The following EYA1 variants were observed in gnomAD, a reference collection of about 807,000 sequenced individuals.
The protein encoded by EYA1 is EYA transcriptional coactivator and phosphatase 1.
In EYA1, 16 loss-of-function variants were observed where a neutral mutation model predicts 82.0. The ratio of observed to expected loss-of-function variants is 0.20; its 90% CI spans 0.13 to 0.30. EYA1 has a LOEUF of 0.30. EYA1 is among the 10% of genes least tolerant of loss of function. The pLI, the probability that EYA1 is intolerant of heterozygous loss-of-function variation, is 1.00. For synonymous variants in EYA1, 261 were observed against 264.4 expected (o/e 0.99, Z 0.12); for missense variants, 633 against 730.7 (o/e 0.87, Z 1.54).
chr8:71,213,441 C>T (rs1808782538), intron 16 of EYA1, among the ~76,000 whole-genome samples: 1 of 152,126 alleles, frequency 6.6e-6, no homozygotes. Flanking sequence ...TATAATTCCT[C>T]TTAATTGATA....
intron 4 of EYA1, among the ~76,000 whole-genome samples, chr8:71,324,478 CAT>C (rs1335839110): frequency 6.6e-6 from 1 of 152,194 alleles, no homozygotes; most frequent in Non-Finnish European, 1.5e-5. Context: ...ACCTACACCT[CAT>C]AGGATTGTCA....
chr8:71,358,497 A>G (rs577586527), intron 1 of EYA1, among the ~76,000 whole-genome samples: 8 of 152,310 alleles, frequency 5.3e-5, no homozygotes, highest in African/African-American at 1.9e-4. Context: ...CTCTTTAATC[A>G]AAATAACTTT....
At chr8:71,211,813 T>C (rs1808548076) in intron 16 of EYA1, among the ~76,000 whole-genome samples, 2 of 152,316 alleles carry the variant, frequency 1.3e-5, no homozygotes, top group South Asian at 4.1e-4. Context: ...TTAAAGACCC[T>C]GAAAGTCTGA....
chr8:71,286,568 C>T (rs992388442), intron 9 of EYA1, among the ~76,000 whole-genome samples: 2 of 152,084 alleles, frequency 1.3e-5, no homozygotes, highest in African/African-American at 2.4e-5. Flanking sequence ...TGGGGGGAAA[C>T]TCATAGGCTT....
intron 2 of EYA1, among the ~76,000 whole-genome samples, chr8:71,417,066 A>G (rs1387226177): frequency 6.6e-6 from 1 of 152,170 alleles, no homozygotes; most frequent in Non-Finnish European, 1.5e-5. Context: ...CCAAGCCTAC[A>G]TCTTTCTCCT....
chr8:71,486,934 C>T (rs1391744230), intron 2 of EYA1, among the ~76,000 whole-genome samples: 1 of 104,530 alleles, frequency 9.6e-6, no homozygotes, highest in African/African-American at 3.6e-5. Context: ...TTGTGCGTCA[C>T]TTCTCAGGTG....
chr8:71,304,151 G>T (rs1035029089), intron 7 of EYA1, among the ~76,000 whole-genome samples: 1 of 142,534 alleles, frequency 7.0e-6, no homozygotes, highest in Admixed American at 7.0e-5. Flanking sequence ...AAATAGAAGT[G>T]ACAAGAACAA....
At chr8:71,401,072 T>C (rs944761027) in intron 2 of EYA1, among the ~76,000 whole-genome samples, 5 of 152,100 alleles carry the variant, frequency 3.3e-5, no homozygotes, top group African/African-American at 1.2e-4. Context: ...CAATTATAAG[T>C]GTGAGCTGAA....
chr8:71,426,916 A>C (rs1805272553), intron 2 of EYA1, among the ~76,000 whole-genome samples: 1 of 152,200 alleles, frequency 6.6e-6, no homozygotes, highest in African/African-American at 2.4e-5. Context: ...AAGATTCCTA[A>C]AGAAGATGAG....
At chr8:71,351,791 C>T (rs1487308226) in intron 3 of EYA1, among the ~76,000 whole-genome samples, 3 of 151,776 alleles carry the variant, frequency 2.0e-5, no homozygotes, top group Non-Finnish European at 4.4e-5. Context: ...GTTTGTTCTT[C>T]AGATGAAGTT....
intron 2 of EYA1, among the ~76,000 whole-genome samples, chr8:71,464,963 T>A (rs1808671451): frequency 6.6e-6 from 1 of 152,218 alleles, no homozygotes; most frequent in Non-Finnish European, 1.5e-5. Context: ...GATCATTTTT[T>A]ACTCAGCTTC....
At chr8:71,491,661 T>C (rs116806347) in intron 2 of EYA1, among the ~76,000 whole-genome samples, 1 of 152,264 alleles carries the variant, frequency 6.6e-6, no homozygotes, top group African/African-American at 2.4e-5. Context: ...AGCCTCCAGA[T>C]TGTGAGAAAA....
At chr8:71,312,002 C>G (rs753047108) in intron 7 of EYA1, among the ~76,000 whole-genome samples, 1 of 152,158 alleles carries the variant, frequency 6.6e-6, no homozygotes, top group Non-Finnish European at 1.5e-5. Flanking sequence ...AATGAGGGCA[C>G]CAAGTAAGGC....
At chr8:71,477,517 C>T (rs981329661) in intron 2 of EYA1, among the ~76,000 whole-genome samples, 8 of 151,672 alleles carry the variant, frequency 5.3e-5, no homozygotes, top group Non-Finnish European at 1.0e-4. Context: ...GAGATACCTA[C>T]CACTCCCTAT....
intron 4 of EYA1, among the ~76,000 whole-genome samples, chr8:71,324,167 A>AT (rs1220104511): frequency 6.6e-6 from 1 of 152,140 alleles, no homozygotes; most frequent in Non-Finnish European, 1.5e-5. Context: ...GTACCCAACA[A>AT]TTTTTTTCTT....
intron 16 of EYA1, among the ~76,000 whole-genome samples, chr8:71,212,583 A>T (rs1315634582): frequency 6.6e-6 from 1 of 152,202 alleles, no homozygotes; most frequent in African/African-American, 2.4e-5. Flanking sequence ...TCTATCTCCT[A>T]TTGGGCTCAT....
At chr8:71,472,788 G>GATAGATATATATATATATATATAT in intron 2 of EYA1, among the ~76,000 whole-genome samples, 1 of 126,840 alleles carries the variant, frequency 7.9e-6, no homozygotes, top group South Asian at 2.7e-4. Flanking sequence ...TAGCTTTGAA[G>GATAGATATATATATATATATATAT]ATATATATAT....
upstream of EYA1, among the ~76,000 whole-genome samples, chr8:71,363,062 C>A (rs1197282598): frequency 6.6e-6 from 1 of 152,018 alleles, no homozygotes; most frequent in Non-Finnish European, 1.5e-5. Flanking sequence ...AAAATAAAAT[C>A]TTTAAGCCCA....
rs537011846 is a variant in EYA1 at position 71,537,572 on chromosome 8, T to C, written c.-72-1724A>G. Among the ~76,000 whole-genome samples the C allele has an allele frequency of 2.2e-3, 334 of 152,296 alleles. 1 individual carries two copies. The highest frequency in any genetic ancestry group is 7.4e-3 in the African/African-American group (309 of 41,568). On this transcript the variant is annotated intron_variant, in intron 1 of 18. Coordinates refer to the EYA1 transcript ENST00000643681. ...GTAAAATGCTTTACAGTTTACCAAG[T>C]GCTTTCACACAAATTGCCCACAGTG...
Sources: gnomAD v4.1 joint callset for allele counts (sites outside exome capture counted in the v4.1 genomes callset) on GRCh38, gnomAD v4.1.1 for gene constraint, MANE v1.5 for transcripts, NCBI Gene and HGNC (gene_info 2026-07-23, HGNC 2026-07-21) for gene names.